The following TMEM132D variants were observed in gnomAD, a reference collection of about 807,000 sequenced individuals.
TMEM132D encodes transmembrane protein 132D.
In TMEM132D, 21 loss-of-function variants were observed where a neutral mutation model predicts 62.3. That is an observed-to-expected ratio of 0.34 (90% CI 0.24 to 0.49). The LOEUF (loss-of-function observed/expected upper bound fraction) is 0.49, where lower values mean the gene tolerates loss of function less well. TMEM132D is among the 20% of genes least tolerant of loss of function. The pLI is 0.99. For synonymous variants in TMEM132D, 621 were observed against 575.6 expected, an observed-to-expected ratio of 1.08 and a Z score of -1.13; for missense variants, 1,346 against 1,402.8, an observed-to-expected ratio of 0.96 and a Z score of 0.65.
At chr12:129,401,014 T>G (rs1871605515) in intron 3 of TMEM132D, among the ~76,000 whole-genome samples, 1 of 152,170 alleles carries the variant, frequency 6.6e-6, no homozygotes, top group Non-Finnish European at 1.5e-5. Context: ...GACTCTCCTC[T>G]TCCATTACAC....
At chr12:129,762,932 A>C (rs1870432981) in intron 1 of TMEM132D, among the ~76,000 whole-genome samples, 1 of 152,202 alleles carries the variant, frequency 6.6e-6, no homozygotes. Flanking sequence ...TGAAATGTAC[A>C]AAAAGAAACA....
At chr12:129,095,161 A>C (rs1474472471) in intron 5 of TMEM132D, among the ~76,000 whole-genome samples, 1 of 152,026 alleles carries the variant, frequency 6.6e-6, no homozygotes, top group African/African-American at 2.4e-5. Context: ...GTGCACATGT[A>C]CCCTAAAACT....
chr12:129,761,937 G>C (rs1460351833), intron 1 of TMEM132D, among the ~76,000 whole-genome samples: 1 of 152,162 alleles, frequency 6.6e-6, no homozygotes, highest in African/African-American at 2.4e-5. Context: ...GAGAGTGAAT[G>C]TCAGGATGTT....
intron 2 of TMEM132D, among the ~76,000 whole-genome samples, chr12:129,631,994 A>T (rs1212140694): frequency 6.6e-6 from 1 of 152,218 alleles, no homozygotes; most frequent in Non-Finnish European, 1.5e-5. Context: ...AAGTAAAGGC[A>T]AAAGGGAACT....
rs919483020 is a variant in TMEM132D, at chr12:129,639,734, G to A, written c.968+60076C>T. Among the ~76,000 whole-genome samples, 8 of 152,198 alleles carry A rather than the reference G, an allele frequency of 5.3e-5. No individual in the cohort carries two copies. In the East Asian group the frequency reaches 9.7e-4, roughly 18 times the overall value. ...ACTTTGAAGAATATTCAAACTCCCC[G>A]AATGTAGTTTACATGGCTCTATATG... On this transcript the variant is annotated intron_variant, in intron 2 of 8. Coordinates refer to ENST00000422113, the MANE Select transcript of TMEM132D (RefSeq NM_133448.3).
chr12:129,130,385 A>G (rs1478367717), intron 5 of TMEM132D, among the ~76,000 whole-genome samples: 3 of 152,000 alleles, frequency 2.0e-5, no homozygotes, highest in African/African-American at 7.2e-5. Flanking sequence ...TGGTGACTGC[A>G]TGGCCTCGAC....
At chr12:129,137,526 AC>A (rs1251837400) in intron 5 of TMEM132D, among the ~76,000 whole-genome samples, 2 of 151,498 alleles carry the variant, frequency 1.3e-5, no homozygotes, top group Non-Finnish European at 2.9e-5. Flanking sequence ...TTCATCCTTC[AC>A]CCCTCTTTGA....
intron 2 of TMEM132D, among the ~76,000 whole-genome samples, chr12:129,584,032 C>A (rs867868260): frequency 6.6e-6 from 1 of 152,112 alleles, no homozygotes; most frequent in Non-Finnish European, 1.5e-5. Context: ...TCCAGTTAAA[C>A]ATGCCTCAAA....
chr12:129,173,015 G>C (rs961805070), intron 5 of TMEM132D, among the ~76,000 whole-genome samples: 1 of 152,168 alleles, frequency 6.6e-6, no homozygotes, highest in African/African-American at 2.4e-5. Context: ...GGTGGGATTT[G>C]TGGGGCCCTA....
intron 5 of TMEM132D, among the ~76,000 whole-genome samples, chr12:129,156,797 C>A (rs1565981120): frequency 1.3e-5 from 2 of 152,154 alleles, no homozygotes; most frequent in African/African-American, 4.8e-5. Context: ...CCCATGATAA[C>A]TCACTCTCAA....
chr12:129,117,473 A>T lies in TMEM132D; in HGVS notation c.1444-32771T>A, dbSNP rs1170154488. 2.0e-5 allele frequency among the ~76,000 whole-genome samples: 3 copies of T among 152,222 alleles called. No individual in the cohort carries two copies. The East Asian group carries it at 5.8e-4, about 29-fold the overall frequency. On this transcript the variant is annotated intron_variant, in intron 5 of 8. Coordinates refer to ENST00000422113, the MANE Select transcript of TMEM132D (RefSeq NM_133448.3). The stretch of plus-strand genomic sequence containing the variant: ...GTCTGCCCCAAAAGCTGACATTTAT[A>T]TAGTATTTACTATTTTCCACACACT...
intron 3 of TMEM132D, among the ~76,000 whole-genome samples, chr12:129,465,968 C>A (rs1045966382): frequency 3.9e-5 from 6 of 152,178 alleles, no homozygotes; most frequent in African/African-American, 1.4e-4. Flanking sequence ...CAGGCATGAG[C>A]CATTGCACCT....
At chr12:129,348,404 A>G (rs555060239) in intron 3 of TMEM132D, among the ~76,000 whole-genome samples, 5 of 152,350 alleles carry the variant, frequency 3.3e-5, no homozygotes, top group Admixed American at 3.3e-4. Context: ...TGTCCTTTGC[A>G]GGGACATGGA....
chr12:129,887,768 A>G (rs183869142), intron 1 of TMEM132D, among the ~76,000 whole-genome samples: 19 of 152,326 alleles, frequency 1.2e-4, no homozygotes, highest in Middle Eastern at 3.4e-3. Flanking sequence ...GCTATCTATA[A>G]TATCAGCATA....
chr12:129,206,715 G>A (rs1202548430), intron 5 of TMEM132D, among the ~76,000 whole-genome samples: 1 of 152,162 alleles, frequency 6.6e-6, no homozygotes, highest in African/African-American at 2.4e-5. Flanking sequence ...ATGGCCATCA[G>A]TGCTAGACTG....
chr12:129,828,716 G>A (rs1593178127), intron 1 of TMEM132D, among the ~76,000 whole-genome samples: 1 of 81,032 alleles, frequency 1.2e-5, no homozygotes, highest in Non-Finnish European at 2.5e-5. Context: ...AGAAGGAAGG[G>A]AGGAAAGGAG....
chr12:129,256,403 G>A (rs1442916185), intron 4 of TMEM132D, among the ~76,000 whole-genome samples: 1 of 151,916 alleles, frequency 6.6e-6, no homozygotes, highest in East Asian at 1.9e-4. Flanking sequence ...GCTAATTCTG[G>A]GTATCCAGAG....
In TMEM132D at chr12:129,542,919, T is replaced by C. The variant is rs1876622773; in HGVS notation, c.969-11714A>G. On this transcript the variant is annotated intron_variant, in intron 2 of 8. Coordinates refer to ENST00000422113, the MANE Select transcript of TMEM132D (RefSeq NM_133448.3). Reference sequence around the variant, plus strand: ...AGTTTTAGAACAGGCACATGCTGTATAGGTTTGCAGCCTAGAGCAATAGGC... The same window carrying C: ...AGTTTTAGAACAGGCACATGCTGTACAGGTTTGCAGCCTAGAGCAATAGGC... Among the ~76,000 whole-genome samples, 4 of 151,986 alleles carry C rather than the reference T, an allele frequency of 2.6e-5. No homozygotes were observed. In the South Asian group the frequency reaches 8.3e-4, roughly 32 times the overall value.
rs574741580 is a variant in TMEM132D at position 129,497,388 on chromosome 12, T to C, written c.1115+33671A>G. Among the ~76,000 whole-genome samples the C allele has an allele frequency of 2.0e-5, 3 of 152,306 alleles. No individual in the cohort carries two copies. In the South Asian group the frequency reaches 6.2e-4, roughly 32 times the overall value. ...ATTCCTTTGAAACTCTAGCTTGTGATAAGTGGCCCCTGCTCCACGACTCCA... is the reference window on the plus strand; with the variant it reads ...ATTCCTTTGAAACTCTAGCTTGTGACAAGTGGCCCCTGCTCCACGACTCCA... On this transcript the variant is annotated intron_variant, in intron 3 of 8. Coordinates refer to ENST00000422113, the MANE Select transcript of TMEM132D (RefSeq NM_133448.3).
Sources: allele counts gnomAD v4.1 joint callset (sites outside exome capture counted in the v4.1 genomes callset), GRCh38; gene constraint gnomAD v4.1.1; transcripts MANE v1.5; gene names NCBI Gene and HGNC (gene_info 2026-07-23, HGNC 2026-07-21).